PTPRD: variants seen among roughly 807,000 people sequenced by gnomAD.
The protein encoded by PTPRD is protein tyrosine phosphatase receptor type D.
In PTPRD, 34 loss-of-function variants were observed where a neutral mutation model predicts 214.5. The ratio of observed to expected loss-of-function variants is 0.16; its 90% CI spans 0.12 to 0.21. The LOEUF (loss-of-function observed/expected upper bound fraction) is 0.21. Among genes scored for constraint, PTPRD ranks in the 10% least tolerant of loss-of-function variants. The pLI is 1.00. For missense variants in PTPRD, 2,545 were observed against 2,398.7 expected (o/e 1.06, Z -1.27); for synonymous variants, 1,128 against 845.7 (o/e 1.33, Z -5.79).
In PTPRD at chr9:9,416,295, T is replaced by C. The variant is rs530077644; in HGVS notation, c.-236-18813A>G. ...GTCTCATGGTTGGGTTTGAAATCTT[T>C]CCATGCAGTGTTATGAGTGGGTAAG... On this transcript the variant is annotated intron_variant, in intron 8 of 45. Coordinates refer to ENST00000381196, the MANE Select transcript of PTPRD (RefSeq NM_002839.4). 7.9e-4 allele frequency among the ~76,000 whole-genome samples: 121 copies of C among 152,284 alleles called. 2 individuals are homozygous for C. Among genetic ancestry groups the C allele is most frequent in the African/African-American group, 2.9e-3 (121 of 41,574 alleles).
At chr9:9,519,825 G>C (rs112907411) in intron 8 of PTPRD, among the ~76,000 whole-genome samples, 4 of 152,066 alleles carry the variant, frequency 2.6e-5, no homozygotes, top group African/African-American at 7.2e-5. Flanking sequence ...ATCCTGAAAA[G>C]TTATCATATA....
chr9:10,271,478 T>C (rs1205172980), intron 3 of PTPRD, among the ~76,000 whole-genome samples: 6 of 151,686 alleles, frequency 4.0e-5, no homozygotes, highest in Non-Finnish European at 7.4e-5. Context: ...TTATCTCAAG[T>C]GTTTTCTTAT....
intron 10 of PTPRD, among the ~76,000 whole-genome samples, chr9:9,137,517 T>A (rs10977521): frequency 5.9e-5 from 9 of 152,072 alleles, no homozygotes; most frequent in African/African-American, 2.2e-4. Flanking sequence ...TCTTAATATC[T>A]CCAAAGTTAT....
chr9:8,840,974 C>G (rs2097546740), intron 11 of PTPRD, among the ~76,000 whole-genome samples: 1 of 152,072 alleles, frequency 6.6e-6, no homozygotes, highest in African/African-American at 2.4e-5. Flanking sequence ...CTGAGAGTCC[C>G]CAGTCTCTTT....
At chr9:9,806,111 G>A (rs930343373) in intron 5 of PTPRD, among the ~76,000 whole-genome samples, 1 of 152,212 alleles carries the variant, frequency 6.6e-6, no homozygotes, top group Admixed American at 6.5e-5. Context: ...ATTATAAGAT[G>A]CACGGGTCTT....
chr9:10,468,794 A>C (rs1476916691), intron 2 of PTPRD, among the ~76,000 whole-genome samples: 1 of 152,188 alleles, frequency 6.6e-6, no homozygotes, highest in Non-Finnish European at 1.5e-5. Context: ...TTATGAGCAA[A>C]AATGAATGGT....
intron 39 of PTPRD, among the ~76,000 whole-genome samples, chr9:8,345,833 C>G (rs1036934360): frequency 6.6e-6 from 1 of 151,958 alleles, no homozygotes; most frequent in Non-Finnish European, 1.5e-5. Context: ...TTATTTGACT[C>G]CAGTGCTAAT....
At chr9:9,964,455 A>C (rs942244850) in intron 4 of PTPRD, among the ~76,000 whole-genome samples, 1 of 152,206 alleles carries the variant, frequency 6.6e-6, no homozygotes, top group African/African-American at 2.4e-5. Flanking sequence ...GATGCAGAGT[A>C]AAATCTAAAG....
chr9:9,515,754 A>G (rs1165297767), intron 8 of PTPRD, among the ~76,000 whole-genome samples: 2 of 152,016 alleles, frequency 1.3e-5, no homozygotes, highest in Non-Finnish European at 2.9e-5. Context: ...GAAAACATGA[A>G]AAAAAGTTTG....
chr9:8,449,695 T>C (rs1447853813), intron 34 of PTPRD, 30 bp downstream of exon 34: 16 of 1,588,510 alleles, frequency 1.0e-5, no homozygotes, highest in Non-Finnish European at 1.4e-5. Context: ...GGAAAGACTG[T>C]GTGTGGATTA....
intron 6 of PTPRD, among the ~76,000 whole-genome samples, chr9:9,763,335 C>A (rs1178405761): frequency 6.6e-6 from 1 of 152,088 alleles, no homozygotes; most frequent in Non-Finnish European, 1.5e-5. Flanking sequence ...TGTCCCCTAA[C>A]AAAAGCACAT....
intron 2 of PTPRD, among the ~76,000 whole-genome samples, chr9:10,418,712 G>C (rs1034515652): frequency 6.6e-6 from 1 of 151,542 alleles, no homozygotes; most frequent in African/African-American, 2.4e-5. Context: ...TCACATAATA[G>C]GTACTCATTA....
chr9:8,412,087 C>A (rs999572911), intron 35 of PTPRD, among the ~76,000 whole-genome samples: 1 of 152,088 alleles, frequency 6.6e-6, no homozygotes, highest in Admixed American at 6.5e-5. Flanking sequence ...CTGCAAATCA[C>A]TTATAAAGTA....
rs1171394056 is a variant in PTPRD at position 10,277,803 on chromosome 9, G to A, written c.-545+63160C>T. On this transcript the variant is annotated intron_variant, in intron 3 of 45. Transcript: ENST00000381196. The stretch of plus-strand genomic sequence containing the variant: ...ACATGAAAACTAAATCCTTCCCCAA[G>A]GAGATTCTGAGGAGATTCTGGCAAC... 2.0e-5 allele frequency among the ~76,000 whole-genome samples: 3 copies of A among 152,096 alleles called. No individual in the cohort carries two copies. In the East Asian group the frequency reaches 5.8e-4, roughly 29 times the overall value.
At chr9:10,305,485 C>G (rs1474146564) in intron 3 of PTPRD, among the ~76,000 whole-genome samples, 2 of 151,324 alleles carry the variant, frequency 1.3e-5, no homozygotes, top group Admixed American at 1.3e-4. Flanking sequence ...GAACAGGCAA[C>G]CTACAGAATG....
chr9:8,930,389 C>A (rs1318677958), intron 11 of PTPRD, among the ~76,000 whole-genome samples: 1 of 152,054 alleles, frequency 6.6e-6, no homozygotes, highest in African/African-American at 2.4e-5. Flanking sequence ...GGTTCCAAGT[C>A]TTTGCTATTG....
chr9:9,876,619 GC>G (rs1349369695), intron 5 of PTPRD, among the ~76,000 whole-genome samples: 1 of 152,164 alleles, frequency 6.6e-6, no homozygotes, highest in Non-Finnish European at 1.5e-5. Flanking sequence ...GAGAATTAGT[GC>G]AGTGGCACTA....
chr9:9,746,804 G>A (rs2098462774), intron 6 of PTPRD, among the ~76,000 whole-genome samples: 4 of 147,998 alleles, frequency 2.7e-5, no homozygotes, highest in Admixed American at 2.0e-4. Flanking sequence ...TAGACAAGAT[G>A]TGCTTGAAAA....
intron 3 of PTPRD, among the ~76,000 whole-genome samples, chr9:10,223,766 G>A (rs1023457400): frequency 6.7e-6 from 1 of 149,880 alleles, no homozygotes; most frequent in Non-Finnish European, 1.5e-5. Flanking sequence ...TAAAACCTCT[G>A]GGTAACAGAA....
Sources: allele counts gnomAD v4.1 joint callset (sites outside exome capture counted in the v4.1 genomes callset), GRCh38; gene constraint gnomAD v4.1.1; transcripts MANE v1.5; gene names NCBI Gene and HGNC (gene_info 2026-07-23, HGNC 2026-07-21).